PLCB4: variants seen among roughly 807,000 people sequenced by gnomAD.
The protein encoded by PLCB4 is 1-phosphatidylinositol 4,5-bisphosphate phosphodiesterase beta-4.
A neutral mutation model predicts 178.8 loss-of-function variants in PLCB4; 77 were observed. That is an observed-to-expected ratio of 0.43 (90% CI 0.36 to 0.52). The LOEUF is 0.52. Ranked by LOEUF, PLCB4 falls within the 20% of genes least tolerant of loss-of-function variation. The probability of loss-of-function intolerance (pLI) is 0.00; values close to 1 mark genes in which losing one functional copy is unlikely to be tolerated. For synonymous variants in PLCB4, 496 were observed against 490.8 expected, an observed-to-expected ratio of 1.01 and a Z score of -0.14; for missense variants, 1,024 against 1,453.4, an observed-to-expected ratio of 0.70 and a Z score of 4.80.
chr20:9,275,760 T>G (rs1230396128), intron 3 of PLCB4, among the ~76,000 whole-genome samples: 1 of 151,992 alleles, frequency 6.6e-6, no homozygotes, highest in Non-Finnish European at 1.5e-5. Context: ...GTTTTTGGAG[T>G]GCTTATTTTG....
intron 7 of PLCB4, among the ~76,000 whole-genome samples, chr20:9,355,243 A>G (rs75748938): frequency 0.029 from 4,459 of 152,054 alleles, 91 homozygotes; most frequent in Non-Finnish European, 0.04. Context: ...ATTCAAATGA[A>G]ATGATTTCAT....
Position 9,151,237 on chromosome 20 carries a change from C to T in PLCB4, c.-79+54895C>T, listed in dbSNP as rs147386404. ...TGATGGTTTCAAGTATATGGGAGAA[C>T]GTGCATAGGTTATATACAAATATTA... On this transcript the variant is annotated intron_variant, in intron 2 of 39. Coordinates refer to ENST00000378473, the MANE Select transcript of PLCB4 (RefSeq NM_001377142.1). Among the ~76,000 whole-genome samples the T allele has an allele frequency of 6.0e-4, 91 of 152,194 alleles. No homozygotes were observed. In the East Asian group the frequency reaches 6.4e-3, roughly 11 times the overall value.
chr20:9,430,728 A>T (rs1172582240), intron 28 of PLCB4, among the ~76,000 whole-genome samples: 1 of 152,224 alleles, frequency 6.6e-6, no homozygotes, highest in East Asian at 1.9e-4. Context: ...GTGACAAACA[A>T]GACAATATGT....
chr20:9,318,778 G>T (rs554754697), intron 4 of PLCB4, among the ~76,000 whole-genome samples: 1 of 152,220 alleles, frequency 6.6e-6, no homozygotes, highest in Non-Finnish European at 1.5e-5. Flanking sequence ...AGTTTCATAA[G>T]GAACTAGCTG....
chr20:9,275,491 T>C, intron 3 of PLCB4, among the ~76,000 whole-genome samples: 1 of 152,038 alleles, frequency 6.6e-6, no homozygotes, highest in South Asian at 2.1e-4. Context: ...TGGGACGCTA[T>C]TATTGCACAA....
At chr20:9,349,426 A>T (rs2034127119) in intron 7 of PLCB4, among the ~76,000 whole-genome samples, 1 of 152,144 alleles carries the variant, frequency 6.6e-6, no homozygotes, top group Admixed American at 6.5e-5. Flanking sequence ...TTTCCTGTTT[A>T]AATTAAAACT....
intron 2 of PLCB4, among the ~76,000 whole-genome samples, chr20:9,101,030 G>T (rs537842066): frequency 2.0e-5 from 3 of 152,096 alleles, no homozygotes; most frequent in African/African-American, 7.2e-5. Context: ...CATATTTCAT[G>T]ATAATTGGTC....
rs76893599 is a variant in PLCB4, at chr20:9,195,089, C to G, written c.-78-22301C>G. ...TAGTCTAGAAAAATAGGGTTACAAA[C>G]AAAGCCTAATAATTCATTGCTTAAC... On this transcript the variant is annotated intron_variant, in intron 2 of 39. Coordinates refer to ENST00000378473, the MANE Select transcript of PLCB4 (RefSeq NM_001377142.1). Among the ~76,000 whole-genome samples, 85 of 152,316 alleles carry G rather than the reference C, an allele frequency of 5.6e-4. No individual in the cohort carries two copies. In the East Asian group the frequency reaches 0.015, roughly 28 times the overall value.
chr20:9,391,243 G>A (rs753493099), intron 17 of PLCB4, among the ~76,000 whole-genome samples: 10 of 152,200 alleles, frequency 6.6e-5, no homozygotes, highest in African/African-American at 4.8e-5. Flanking sequence ...TAGGCTTTAT[G>A]AGATCTGTGA....
At chr20:9,203,056 A>AT (rs1555875421) in intron 2 of PLCB4, among the ~76,000 whole-genome samples, 5,122 of 125,700 alleles carry the variant, frequency 0.041, 119 homozygotes, top group Non-Finnish European at 0.052. Context: ...AAAAAAAAAA[A>AT]ATATATATAT....
intron 28 of PLCB4, among the ~76,000 whole-genome samples, chr20:9,433,111 C>T (rs182713203): frequency 6.6e-6 from 1 of 151,556 alleles, no homozygotes; most frequent in South Asian, 2.1e-4. Context: ...CACCGAATTG[C>T]TGTGAAGAGA....
At chr20:9,447,488 A>G (rs2042485926) in intron 32 of PLCB4, among the ~76,000 whole-genome samples, 1 of 152,172 alleles carries the variant, frequency 6.6e-6, no homozygotes, top group Non-Finnish European at 1.5e-5. Flanking sequence ...CAGATCAAGC[A>G]TAGTTTCTTG....
At chr20:9,288,447 C>T (rs1161700504) in intron 3 of PLCB4, among the ~76,000 whole-genome samples, 4 of 150,364 alleles carry the variant, frequency 2.7e-5, no homozygotes, top group Non-Finnish European at 4.4e-5. Flanking sequence ...GCATTGCTCA[C>T]TTTTACATCA....
At chr20:9,454,498 T>G (rs1364908721) in intron 33 of PLCB4, among the ~76,000 whole-genome samples, 1 of 152,248 alleles carries the variant, frequency 6.6e-6, no homozygotes, top group Non-Finnish European at 1.5e-5. Flanking sequence ...GTCTTCTAGT[T>G]TTCCACAACC....
intron 27 of PLCB4, among the ~76,000 whole-genome samples, chr20:9,423,397 C>T (rs1169109495): frequency 1.3e-5 from 2 of 152,126 alleles, no homozygotes; most frequent in Non-Finnish European, 2.9e-5. Context: ...ATTCCCAGGC[C>T]CCACTCTGTC....
chr20:9,195,906 A>C (rs1287355079), intron 2 of PLCB4, among the ~76,000 whole-genome samples: 3 of 152,186 alleles, frequency 2.0e-5, no homozygotes, highest in Admixed American at 6.5e-5. Context: ...GGGCAAAACC[A>C]TGCCTGGGGA....
chr20:9,325,688 C>T (rs914802280), intron 4 of PLCB4, among the ~76,000 whole-genome samples: 1 of 152,098 alleles, frequency 6.6e-6, no homozygotes, highest in Admixed American at 6.6e-5. Flanking sequence ...AGTGGGAATC[C>T]CTAGCTATTA....
chr20:9,161,643 G>A (rs997415864), intron 2 of PLCB4, among the ~76,000 whole-genome samples: 1 of 152,230 alleles, frequency 6.6e-6, no homozygotes, highest in African/African-American at 2.4e-5. Context: ...AGAGACAAAA[G>A]TGAAGCTATG....
chr20:9,309,121 C>T (rs1461812430), intron 4 of PLCB4, among the ~76,000 whole-genome samples: 4 of 152,046 alleles, frequency 2.6e-5, no homozygotes, highest in Admixed American at 6.6e-5. Flanking sequence ...CCCATTGTAG[C>T]GTAAAGGGAA....
Sources: allele counts gnomAD v4.1 joint callset (sites outside exome capture counted in the v4.1 genomes callset), GRCh38; gene constraint gnomAD v4.1.1; transcripts MANE v1.5; gene names NCBI Gene and HGNC (gene_info 2026-07-23, HGNC 2026-07-21).